CYP7A1: variants seen among roughly 807,000 people sequenced by gnomAD.
CYP7A1 encodes the protein cytochrome P450 7A1.
In CYP7A1, 28 loss-of-function variants were observed where a neutral mutation model predicts 43.8. The ratio of observed to expected loss-of-function variants is 0.64; its 90% CI spans 0.47 to 0.88. CYP7A1 has a LOEUF of 0.88. Among genes scored for constraint, CYP7A1 ranks in the 40% least tolerant of loss-of-function variants. The pLI is 0.00. For missense variants in CYP7A1, 637 were observed against 611.9 expected, an observed-to-expected ratio of 1.04 and a Z score of -0.43; for synonymous variants, 227 against 222.5, an observed-to-expected ratio of 1.02 and a Z score of -0.18.
rs545609682 is a variant in CYP7A1 at position 58,496,672 on chromosome 8, G to A, written c.840C>T (p.Leu280=). 4.0e-5 allele frequency: 65 copies of A among 1,614,216 alleles called. No individual in the cohort carries two copies. The highest frequency in any genetic ancestry group is 4.8e-5 in the Non-Finnish European group (57 of 1,180,040). ...TTGCTTGCGATGCCCAGAGGACCAC[G>A]AGGTGTGTCTTGGCCTTCTCCAGAT... ...FDDLEKAKTH[L]VVLWASQANT... Residue 280 remains leucine, a synonymous_variant, in exon 3 of 6, where the codon CTC becomes CTT. Transcript: ENST00000301645.
At chr8:58,496,463 T>C in intron 3 of CYP7A1, 141 bp downstream of exon 3, 1 of 665,296 alleles carries the variant, frequency 1.5e-6, no homozygotes, top group East Asian at 2.7e-5. Context: ...TCATATATGT[T>C]AAACACTAAC....
intron 4 of CYP7A1, 67 bp downstream of exon 4, chr8:58,494,439 A>G: frequency 2.0e-6 from 3 of 1,527,402 alleles, no homozygotes; most frequent in Non-Finnish European, 2.7e-6. Context: ...TATATAATTT[A>G]TGTTGGTCAT....
At chr8:58,498,169 G>T in intron 2 of CYP7A1, 60 bp downstream of exon 2, 1 of 1,595,050 alleles carries the variant, frequency 6.3e-7, no homozygotes, top group South Asian at 1.1e-5. Flanking sequence ...TTTCTAAATA[G>T]ACAAGCACAT....
intron 4 of CYP7A1, among the ~76,000 whole-genome samples, chr8:58,493,155 A>T (rs944859533): frequency 6.6e-6 from 1 of 152,240 alleles, no homozygotes; most frequent in Admixed American, 6.5e-5. Context: ...GGGAAACAAA[A>T]TTCCATCATT....
Position 58,498,396 on chromosome 8 carries a change from G to A in CYP7A1, c.154C>T (p.Pro52Ser). The A allele has an allele frequency of 6.2e-7, 1 of 1,614,108 alleles. No individual in the cohort carries two copies. The highest frequency in any genetic ancestry group is 2.2e-5 in the East Asian group (1 of 44,876). Residue 52 changes from proline to serine, a missense_variant, in exon 2 of 6, where the codon CCT becomes TCT. Physicochemically the swap from Pro to Ser is moderately conservative, Grantham distance 74. Coordinates refer to ENST00000301645, the MANE Select transcript of CYP7A1 (RefSeq NM_000780.4). ...LGCALQFGAN[P>S]LEFLRANQRK... ...TGATTTGCTCTGAGGAACTCAAGAG[G>A]ATTGGCACCAAATTGCAGAGCACAG...
At chr8:58,492,067 C>T (rs1330601282) in intron 5 of CYP7A1, among the ~76,000 whole-genome samples, 2 of 152,060 alleles carry the variant, frequency 1.3e-5, no homozygotes, top group Non-Finnish European at 2.9e-5. Flanking sequence ...CCTCCAATTT[C>T]CTGGATTTGG....
chr8:58,491,430 C>A lies in CYP7A1; in HGVS notation c.*45G>T, dbSNP rs377678679. On this transcript the variant is annotated 3_prime_UTR_variant, in exon 6 of 6. Transcript: ENST00000301645. ...GGGACTGTGTGGTGAGGGTGTTCTG[C>A]AGTCCTGTAATATCATCTAGTGTCC... is the stretch of plus-strand genomic sequence containing the variant. 2.8e-5 allele frequency: 43 copies of A among 1,557,442 alleles called. No homozygotes were observed. The highest frequency in any genetic ancestry group is 3.7e-5 in the Non-Finnish European group (42 of 1,131,908).
chr8:58,498,499 G>C (rs771792299), intron 1 of CYP7A1, 30 bp from the exon 2 acceptor site: 1 of 1,613,388 alleles, frequency 6.2e-7, no homozygotes, highest in Non-Finnish European at 8.5e-7. Context: ...GATAGACATG[G>C]ATGATTACAG....
chr8:58,492,979 C>A (rs1015523341), intron 4 of CYP7A1, among the ~76,000 whole-genome samples: 1 of 152,096 alleles, frequency 6.6e-6, no homozygotes, highest in Non-Finnish European at 1.5e-5. Flanking sequence ...CTATGTTGCC[C>A]AGGTTGCTCT....
intron 3 of CYP7A1, among the ~76,000 whole-genome samples, chr8:58,495,616 A>C (rs1372602744): frequency 6.6e-6 from 1 of 152,222 alleles, no homozygotes; most frequent in Admixed American, 6.5e-5. Context: ...GTTGAGTCTC[A>C]AAATGTTTGA....
Position 58,494,653 on chromosome 8 carries a change from G to T in CYP7A1, c.909-17C>A. The T allele has an allele frequency of 6.2e-7, 1 of 1,612,752 alleles. No individual in the cohort carries two copies. Among genetic ancestry groups the T allele is most frequent in the Non-Finnish European group, 8.5e-7 (1 of 1,179,342 alleles). ...TCTGGGTTCCTATTAAAAGGTAAGA[G>T]AAAACATGTATGTACAGAAAATAAA... is the stretch of plus-strand genomic sequence containing the variant. On this transcript the variant is annotated splice_polypyrimidine_tract_variant and intron_variant, in intron 3 of 5. Coordinates refer to ENST00000301645, the MANE Select transcript of CYP7A1 (RefSeq NM_000780.4).
chr8:58,496,683 T>C lies in CYP7A1; in HGVS notation c.829A>G (p.Lys277Glu), dbSNP rs1809446545. The C allele has an allele frequency of 6.2e-7, 1 of 1,614,110 alleles. No homozygotes were observed. The highest frequency in any genetic ancestry group is 8.5e-7 in the Non-Finnish European group (1 of 1,180,034). ...GCCCAGAGGACCACGAGGTGTGTCTTGGCCTTCTCCAGATCATCAAAGGTG... is the reference window on the plus strand; with the variant it reads ...GCCCAGAGGACCACGAGGTGTGTCTCGGCCTTCTCCAGATCATCAAAGGTG... ...LSTFDDLEKAKTHLVVLWASQ... is the reference protein window; with the variant it reads ...LSTFDDLEKAETHLVVLWASQ... Residue 277 changes from lysine (K) to glutamate (E), a missense_variant, in exon 3 of 6, where the codon AAG becomes GAG. Coordinates refer to ENST00000301645, the MANE Select transcript of CYP7A1 (RefSeq NM_000780.4).
At chr8:58,492,027 C>T (rs568085276) in intron 5 of CYP7A1, among the ~76,000 whole-genome samples, 1 of 151,864 alleles carries the variant, frequency 6.6e-6, no homozygotes, top group Non-Finnish European at 1.5e-5. Context: ...GAAGGGTTCC[C>T]AGAAGAAACT....
At position 58,498,353 on chromosome 8, in the gene CYP7A1, ACATGAC is replaced by A. The variant is rs1377844804; in HGVS notation, c.191_196del (p.Gly64_His65del). The A allele has an allele frequency of 2.5e-6, 4 of 1,614,042 alleles. No individual in the cohort carries two copies. The highest frequency in any genetic ancestry group is 1.3e-5 in the African/African-American group (1 of 74,908). On this transcript the variant is annotated inframe_deletion, in exon 2 of 6. Transcript: ENST00000301645. ...TTTTCCCATTAGTTTGCAGGTAAAAACATGACCATGTTTCCTTTGATTTGCTCTGAG... is the reference window on the plus strand; with the variant it reads ...TTTTCCCATTAGTTTGCAGGTAAAAACATGTTTCCTTTGATTTGCTCTGAG...
At chr8:58,499,358 T>A (rs1053450929) in intron 1 of CYP7A1, among the ~76,000 whole-genome samples, 1 of 152,200 alleles carries the variant, frequency 6.6e-6, no homozygotes, top group Non-Finnish European at 1.5e-5. Flanking sequence ...CCACAATTAC[T>A]CCTTGAGCCA....
intron 3 of CYP7A1, 115 bp downstream of exon 3, chr8:58,496,489 G>A (rs1439843174): frequency 2.3e-5 from 18 of 771,386 alleles, no homozygotes; most frequent in Middle Eastern, 3.6e-4. Flanking sequence ...TTAGTGCTAC[G>A]TTCTTGATTG....
chr8:58,493,868 C>T lies in CYP7A1; in HGVS notation c.1039+638G>A, dbSNP rs931819980. 8.6e-5 allele frequency among the ~76,000 whole-genome samples: 13 copies of T among 151,928 alleles called. 1 individual carries two copies. Among genetic ancestry groups the T allele is most frequent in the South Asian group, 8.3e-4 (4 of 4,816 alleles). On this transcript the variant is annotated intron_variant, in intron 4 of 5. Coordinates refer to ENST00000301645, the MANE Select transcript of CYP7A1 (RefSeq NM_000780.4). ...TACAAAAATTAGCCAGGGGTGGTGGCGTGCACCTGTAATCCTAGCTACTTG... is the reference window on the plus strand; with the variant it reads ...TACAAAAATTAGCCAGGGGTGGTGGTGTGCACCTGTAATCCTAGCTACTTG...
chr8:58,492,189 G>C (rs140910170), intron 5 of CYP7A1, among the ~76,000 whole-genome samples, 164 bp downstream of exon 5: 1 of 152,116 alleles, frequency 6.6e-6, no homozygotes, highest in African/African-American at 2.4e-5. Context: ...GAAAAATTCA[G>C]ACCACTATCT....
chr8:58,499,931 T>C (rs1809505008), intron 1 of CYP7A1, 88 bp downstream of exon 1: 2 of 1,086,988 alleles, frequency 1.8e-6, no homozygotes, highest in Admixed American at 1.8e-5. Context: ...TGTGTAAGTA[T>C]AGAAAACCAA....
Sources: allele counts gnomAD v4.1 joint callset (sites outside exome capture counted in the v4.1 genomes callset), GRCh38; gene constraint gnomAD v4.1.1; transcripts MANE v1.5; gene names NCBI Gene and HGNC (gene_info 2026-07-23, HGNC 2026-07-21).